Variants in RALGAPA1 observed in about 807,000 individuals in gnomAD.
RALGAPA1 encodes the protein ral GTPase-activating protein subunit alpha-1.
A neutral mutation model predicts 269.6 loss-of-function variants in RALGAPA1; 52 were observed. The observed-to-expected ratio is 0.19, with a 90% confidence interval of 0.15 to 0.24. RALGAPA1 has a LOEUF of 0.24. Among genes scored for constraint, RALGAPA1 ranks in the 10% least tolerant of loss-of-function variants. The pLI is 1.00. For synonymous variants in RALGAPA1, 817 were observed against 1,008.3 expected, an observed-to-expected ratio of 0.81 and a Z score of 3.60; for missense variants, 1,917 against 3,013.9, an observed-to-expected ratio of 0.64 and a Z score of 8.52.
intron 23 of RALGAPA1, 86 bp downstream of exon 23, chr14:35,674,430 G>C: frequency 7.6e-7 from 1 of 1,308,896 alleles, no homozygotes; most frequent in South Asian, 1.5e-5. Flanking sequence ...TAGTCAAAAA[G>C]GGTGTCACAA....
At chr14:35,762,405 G>A (rs1466343332) in intron 5 of RALGAPA1, among the ~76,000 whole-genome samples, 1 of 152,130 alleles carries the variant, frequency 6.6e-6, no homozygotes, top group African/African-American at 2.4e-5. Flanking sequence ...ACAGGCACGT[G>A]CCACCACGCC....
At chr14:35,778,008 C>G (rs1054787182) in intron 1 of RALGAPA1, among the ~76,000 whole-genome samples, 2 of 152,162 alleles carry the variant, frequency 1.3e-5, no homozygotes, top group Non-Finnish European at 2.9e-5. Flanking sequence ...ACAGTAACAA[C>G]ATATAGATAG....
chr14:35,593,578 T>C lies in RALGAPA1; in HGVS notation c.7209+2056A>G, dbSNP rs146183099. Among the ~76,000 whole-genome samples, 17 of 152,214 alleles carry C rather than the reference T, an allele frequency of 1.1e-4. 1 individual carries two copies. The highest frequency in any genetic ancestry group is 3.6e-4 in the African/African-American group (15 of 41,540). ...TCATATTCCCTGATTTAAAATTATA[T>C]TACAGGCTGGGCACAGTGGCTTACA... On this transcript the variant is annotated intron_variant, in intron 37 of 41. Coordinates refer to ENST00000680220, the MANE Select transcript of RALGAPA1 (RefSeq NM_001346249.2).
intron 39 of RALGAPA1, among the ~76,000 whole-genome samples, chr14:35,569,201 T>C (rs1002559984): frequency 9.9e-5 from 15 of 152,194 alleles, no homozygotes; most frequent in African/African-American, 3.4e-4. Flanking sequence ...AACTACCAAG[T>C]TAAGATAATA....
chr14:35,799,628 G>A (rs1595601178), intron 1 of RALGAPA1, among the ~76,000 whole-genome samples: 1 of 150,698 alleles, frequency 6.6e-6, no homozygotes, highest in Admixed American at 6.6e-5. Flanking sequence ...ATAATAAATC[G>A]AGGGAAAATA....
chr14:35,613,461 T>C (rs953618441), intron 35 of RALGAPA1, among the ~76,000 whole-genome samples: 1 of 152,178 alleles, frequency 6.6e-6, no homozygotes, highest in Non-Finnish European at 1.5e-5. Flanking sequence ...ACAAACTAGG[T>C]TGCTTTCAAC....
chr14:35,753,521 G>GT (rs1359922613), intron 7 of RALGAPA1, among the ~76,000 whole-genome samples: 2 of 152,120 alleles, frequency 1.3e-5, no homozygotes, highest in Admixed American at 6.6e-5. Flanking sequence ...TAAAAATGAA[G>GT]TATCGATACG....
Position 35,689,931 on chromosome 14 carries a change from T to C in RALGAPA1, c.2480A>G (p.Asn827Ser), listed in dbSNP as rs751951979. 1.9e-6 allele frequency: 3 copies of C among 1,602,562 alleles called. No individual in the cohort carries two copies. The highest frequency in any genetic ancestry group is 2.3e-5 in the East Asian group (1 of 44,028). The change falls in exon 18 of 42, where the codon AAT (asparagine) becomes AGT (serine). Residue 827 changes from asparagine to serine, a missense_variant. By Grantham distance (46) the Asn-to-Ser change is conservative (BLOSUM62 1). Transcript: ENST00000680220. ...RHFSQSEETG[N>S]EVFGALNEEQ... ...CTCATTCAAAGCACCAAAAACTTCATTTCCAGTTTCTTCACTTTGTGAAAA... is the reference window on the plus strand; with the variant it reads ...CTCATTCAAAGCACCAAAAACTTCACTTCCAGTTTCTTCACTTTGTGAAAA...
chr14:35,758,353 C>T (rs980429707), intron 6 of RALGAPA1, among the ~76,000 whole-genome samples: 2 of 150,144 alleles, frequency 1.3e-5, no homozygotes, highest in South Asian at 4.2e-4. Flanking sequence ...TACAGAAGAA[C>T]ACACTTTATG....
intron 1 of RALGAPA1, among the ~76,000 whole-genome samples, chr14:35,796,948 G>A (rs1305681558): frequency 6.6e-6 from 1 of 151,212 alleles, no homozygotes; most frequent in African/African-American, 2.4e-5. Context: ...CCACCACACC[G>A]GGTTAATTTT....
intron 28 of RALGAPA1, among the ~76,000 whole-genome samples, chr14:35,657,915 T>C (rs10220359): frequency 0.11 from 17,121 of 152,026 alleles, 1,608 homozygotes; most frequent in East Asian, 0.37. Context: ...CATAGAGGTA[T>C]CACAAAATTC....
intron 30 of RALGAPA1, 67 bp downstream of exon 30, chr14:35,654,300 C>T (rs2063033965): frequency 1.4e-6 from 2 of 1,409,430 alleles, no homozygotes; most frequent in Non-Finnish European, 1.9e-6. Flanking sequence ...AATAATTTTA[C>T]AATTCAAAGT....
chr14:35,639,969 A>G (rs2061916048), intron 31 of RALGAPA1, among the ~76,000 whole-genome samples: 2 of 151,830 alleles, frequency 1.3e-5, no homozygotes, highest in African/African-American at 4.8e-5. Flanking sequence ...AAATTAAACA[A>G]TATCTTCCTG....
intron 16 of RALGAPA1, among the ~76,000 whole-genome samples, chr14:35,716,629 C>T (rs1293625638): frequency 6.6e-6 from 1 of 151,958 alleles, no homozygotes; most frequent in Non-Finnish European, 1.5e-5. Context: ...AAGATATCCC[C>T]AAAATAATTT....
chr14:35,808,260 T>C (rs2077512489), intron 1 of RALGAPA1, among the ~76,000 whole-genome samples: 1 of 152,190 alleles, frequency 6.6e-6, no homozygotes. Flanking sequence ...CCACAGCTTT[T>C]TGGGAACCGC....
chr14:35,578,777 T>C (rs2057749759), intron 37 of RALGAPA1, among the ~76,000 whole-genome samples: 1 of 152,254 alleles, frequency 6.6e-6, no homozygotes, highest in Admixed American at 6.5e-5. Context: ...CAAAGGTGTC[T>C]ATAGATAGTT....
chr14:35,548,136 G>A (rs2054619047), intron 41 of RALGAPA1, among the ~76,000 whole-genome samples: 1 of 151,984 alleles, frequency 6.6e-6, no homozygotes, highest in Non-Finnish European at 1.5e-5. Flanking sequence ...GTTATCATTT[G>A]ATGAGTTAGG....
rs60152249 is a variant in RALGAPA1 at position 35,737,759 on chromosome 14, CAAAAAAAA to C, written c.1587+746_1587+753del. ...GGGCAACAACAGTGAAAATCCATCT[CAAAAAAAA>C]AAAAAAAAAAAAAAAAAAAAAAAAA... On this transcript the variant is annotated intron_variant, in intron 12 of 41. Coordinates refer to ENST00000680220, the MANE Select transcript of RALGAPA1 (RefSeq NM_001346249.2). Among the ~76,000 whole-genome samples, 34 of 17,406 alleles carry C rather than the reference CAAAAAAAA, an allele frequency of 2.0e-3. No individual in the cohort carries two copies. In the South Asian group the frequency reaches 0.032, roughly 16 times the overall value. 11.4% of individuals were successfully genotyped at this position (17,406 alleles called of 152,430 possible). A position where few individuals can be genotyped will look rare whatever the true frequency, so the allele number is the denominator to read the frequency against.
chr14:35,601,251 G>A (rs143747478), intron 36 of RALGAPA1, among the ~76,000 whole-genome samples: 1 of 152,294 alleles, frequency 6.6e-6, no homozygotes, highest in East Asian at 1.9e-4. Context: ...TGGTGGCGAT[G>A]GAATTCTACA....
Sources: gnomAD v4.1 joint callset for allele counts (sites outside exome capture counted in the v4.1 genomes callset) on GRCh38, gnomAD v4.1.1 for gene constraint, MANE v1.5 for transcripts, NCBI Gene and HGNC (gene_info 2026-07-23, HGNC 2026-07-21) for gene names.